Variants in FAT2 observed in about 807,000 individuals in gnomAD.
FAT2 encodes the protein FAT atypical cadherin 2.
In FAT2, 150 loss-of-function variants were observed where a neutral mutation model predicts 295.3. The ratio of observed to expected loss-of-function variants is 0.51; its 90% CI spans 0.44 to 0.58. The LOEUF is 0.58. Ranked by LOEUF, FAT2 falls within the 20% of genes least tolerant of loss-of-function variation. The pLI is 0.00. For synonymous variants in FAT2, 2,026 were observed against 2,150.3 expected (o/e 0.94, Z 1.60); for missense variants, 4,868 against 5,442.7 (o/e 0.89, Z 3.32).
upstream of FAT2, among the ~76,000 whole-genome samples, chr5:151,594,756 T>A (rs1223852297): frequency 6.6e-6 from 1 of 152,114 alleles, no homozygotes; most frequent in African/African-American, 2.4e-5. Context: ...AGCAACGATG[T>A]AAATGAGGGG....
intron 1 of FAT2, among the ~76,000 whole-genome samples, chr5:151,569,875 C>A (rs893160854): frequency 5.9e-5 from 9 of 152,354 alleles, no homozygotes; most frequent in Admixed American, 5.2e-4. Context: ...GACCAAGATC[C>A]CAGGCGTGGC....
At chr5:151,550,534 CA>C in intron 8 of FAT2, 55 bp downstream of exon 8, 1 of 1,570,368 alleles carries the variant, frequency 6.4e-7, no homozygotes, top group Non-Finnish European at 8.7e-7. Flanking sequence ...CAAGCATGTC[CA>C]CCCCTACACA....
chr5:151,592,790 A>G (rs568752785), upstream of FAT2, among the ~76,000 whole-genome samples: 15 of 152,302 alleles, frequency 9.8e-5, no homozygotes, highest in Admixed American at 9.8e-4. Context: ...TTCTATGGCT[A>G]GGACTTAGGT....
chr5:151,547,015 T>C (rs1223989015), intron 9 of FAT2, among the ~76,000 whole-genome samples: 1 of 152,242 alleles, frequency 6.6e-6, no homozygotes, highest in Non-Finnish European at 1.5e-5. Flanking sequence ...ATTTTTTCAA[T>C]ATCCATCCAT....
At position 151,549,434 on chromosome 5, in the gene FAT2, G is replaced by T. The variant is rs2127619455; in HGVS notation, c.4650C>A (p.Leu1550=). 1 of 1,614,166 alleles carries T rather than the reference G, an allele frequency of 6.2e-7. No homozygotes were observed. Among genetic ancestry groups the T allele is most frequent in the Non-Finnish European group, 8.5e-7 (1 of 1,180,034 alleles). Residue 1550 remains leucine (L), a synonymous_variant, in exon 9 of 24, where the codon CTC becomes CTA. Transcript: ENST00000261800. ...WVTIHVEDGN[L]HPPRFTQLHY... ...GGAGCTGAGTGAAGCGGGGTGGGTG[G>T]AGGTTTCCATCCTCCACATGAATGG...
chr5:151,553,209 C>T lies in FAT2; in HGVS notation c.4124G>A (p.Gly1375Asp), dbSNP rs2127626907. The stretch of plus-strand genomic sequence containing the variant: ...GTTGAACCAGAAGAGTCCGGGTCTG[C>T]CCTCTACGCTGATGACCCCCACCAT... ...NHMVGVISVE[G>D]RPGLFWFNIS... The change falls in exon 6 of 24, where the codon GGC becomes GAC. Residue 1375 changes from glycine (G) to aspartate (D), a missense_variant. Physicochemically the swap from Gly to Asp is moderately conservative, Grantham distance 94 (BLOSUM62 -1). Coordinates refer to ENST00000261800, the MANE Select transcript of FAT2 (RefSeq NM_001447.3). 6.2e-7 allele frequency: 1 copy of T among 1,614,252 alleles called. No individual in the cohort carries two copies. The highest frequency in any genetic ancestry group is 1.1e-5 in the South Asian group (1 of 91,088).
At chr5:151,580,551 G>GC (rs1175503248) in intron 1 of FAT2, among the ~76,000 whole-genome samples, 1 of 152,198 alleles carries the variant, frequency 6.6e-6, no homozygotes, top group Non-Finnish European at 1.5e-5. Context: ...TCTCATTCGG[G>GC]CCCCAGGAGC....
chr5:151,577,322 A>C (rs992401952), intron 1 of FAT2, among the ~76,000 whole-genome samples: 1 of 152,222 alleles, frequency 6.6e-6, no homozygotes, highest in Non-Finnish European at 1.5e-5. Context: ...GGATGTGAAG[A>C]AAGTGTTTTA....
chr5:151,527,396 T>G lies in FAT2; in HGVS notation c.10165-19A>C. ...TAGAGGCCTATTGCAAAATGTCCAG[T>G]GGAGGTTAGCAATGAGGTAGCTGTC... On this transcript the variant is annotated intron_variant, in intron 16 of 23. Coordinates refer to ENST00000261800, the MANE Select transcript of FAT2 (RefSeq NM_001447.3). The G allele has an allele frequency of 6.3e-7, 1 of 1,579,136 alleles. No individual in the cohort carries two copies. The highest frequency in any genetic ancestry group is 2.3e-5 in the East Asian group (1 of 44,056).
chr5:151,573,829 C>T (rs1323714757), intron 1 of FAT2, among the ~76,000 whole-genome samples: 2 of 152,176 alleles, frequency 1.3e-5, no homozygotes, highest in African/African-American at 4.8e-5. Flanking sequence ...TTCCGACATT[C>T]AGAAACCTGA....
In FAT2 at chr5:151,542,574, G is replaced by T. The variant is rs1417423311; in HGVS notation, c.8553C>A (p.Asp2851Glu). Reference sequence around the variant, plus strand: ...GTGTGGTGATCCAACCACTCTCACTGTCAATGGCAAAGAGCTCATGGACAT... The same window carrying T: ...GTGTGGTGATCCAACCACTCTCACTTTCAATGGCAAAGAGCTCATGGACAT... Reference protein sequence around the residue: ...GSNVHELFAIDSESGWITTLQ... With the variant: ...GSNVHELFAIESESGWITTLQ... The change falls in exon 10 of 24, where the codon GAC (aspartate) becomes GAA (glutamate). Residue 2851 changes from aspartate to glutamate, a missense_variant. By Grantham distance (45) the Asp-to-Glu change is conservative (BLOSUM62 2). Transcript: ENST00000261800. 1 of 1,614,208 alleles carries T rather than the reference G, an allele frequency of 6.2e-7. No homozygotes were observed. Among genetic ancestry groups the T allele is most frequent in the East Asian group, 2.2e-5 (1 of 44,884 alleles).
chr5:151,559,031 T>C (rs907366272), intron 3 of FAT2, among the ~76,000 whole-genome samples: 11 of 152,088 alleles, frequency 7.2e-5, no homozygotes, highest in African/African-American at 2.4e-4. Context: ...GATGAAGTGA[T>C]TGAGATAATG....
At position 151,506,116 on chromosome 5, in the gene FAT2, A is replaced by C. The variant is rs1268066470; in HGVS notation, c.12518-19T>G. On this transcript the variant is annotated intron_variant, in intron 23 of 23. Transcript: ENST00000261800. ...GGGTACACTGAAAGGGAACAGCAAGATAGGGTGAGCTCATTTTCTCCCCGG... is the reference window on the plus strand; with the variant it reads ...GGGTACACTGAAAGGGAACAGCAAGCTAGGGTGAGCTCATTTTCTCCCCGG... 1 of 1,498,936 alleles carries C rather than the reference A, an allele frequency of 6.7e-7. No individual in the cohort carries two copies. The highest frequency in any genetic ancestry group is 2.3e-5 in the East Asian group (1 of 43,434). The allele number at this position is 1,498,936 out of a possible 1,614,324, so 92.9% of individuals were successfully genotyped here. A position where few individuals can be genotyped will look rare whatever the true frequency, so the allele number is the denominator to read the frequency against.
At chr5:151,518,360 A>AT (rs1753085787) in intron 19 of FAT2, among the ~76,000 whole-genome samples, 2 of 132,032 alleles carry the variant, frequency 1.5e-5, no homozygotes, top group African/African-American at 2.6e-5. Flanking sequence ...AATAATAATA[A>AT]TAATAATAAT....
In FAT2 at chr5:151,506,078, C is replaced by A. The variant is rs1253843324; in HGVS notation, c.12537G>T (p.Met4179Ile). 1.3e-6 allele frequency: 2 copies of A among 1,526,314 alleles called. No individual in the cohort carries two copies. Among genetic ancestry groups the A allele is most frequent in the Non-Finnish European group, 1.7e-6 (2 of 1,146,094 alleles). The allele number at this position is 1,526,314 out of a possible 1,614,324, so 94.5% of individuals were successfully genotyped here. The change falls in exon 24 of 24, where the codon ATG becomes ATT. Residue 4179 changes from methionine to isoleucine, a missense_variant. Physicochemically the swap from Met to Ile is conservative, Grantham distance 10 (BLOSUM62 1). This residue lies in a region of FAT2 where 492 missense variants were observed against 482.6 expected (regional missense o/e 1.02). Transcript: ENST00000261800. Reference sequence around the variant, plus strand: ...TCCTGGAGTAAGTAGGGGGCCAGACCATGGCTCCGCCAGGGTACACTGAAA... The same window carrying A: ...TCCTGGAGTAAGTAGGGGGCCAGACAATGGCTCCGCCAGGGTACACTGAAA... ...SEEMVYPGGAMVWPPTYSRNE... is the reference protein window; with the variant it reads ...SEEMVYPGGAIVWPPTYSRNE...
chr5:151,547,014 A>C (rs751369236), intron 9 of FAT2, among the ~76,000 whole-genome samples: 38 of 152,108 alleles, frequency 2.5e-4, no homozygotes, highest in Non-Finnish European at 5.0e-4. Flanking sequence ...AATTTTTTCA[A>C]TATCCATCCA....
At chr5:151,588,583 A>G (rs575419675) in intron 1 of FAT2, among the ~76,000 whole-genome samples, 10 of 152,348 alleles carry the variant, frequency 6.6e-5, no homozygotes, top group African/African-American at 2.4e-4. Flanking sequence ...TCATTCATTC[A>G]GCAGATAGGC....
chr5:151,590,049 C>T (rs1043180928), intron 1 of FAT2, among the ~76,000 whole-genome samples: 1 of 152,208 alleles, frequency 6.6e-6, no homozygotes, highest in African/African-American at 2.4e-5. Flanking sequence ...AATTCTCTTC[C>T]CACTCTGCCA....
In FAT2 at chr5:151,567,812, A is replaced by T. The variant is rs745834340; in HGVS notation, c.1120T>A (p.Phe374Ile). The T allele has an allele frequency of 6.2e-6, 10 of 1,613,974 alleles. 1 individual carries two copies. In the South Asian group the frequency reaches 1.1e-4, roughly 18 times the overall value. ...KAVYRVQLSE[F>I]SPPGSRVVMV... ...ACCACGCGGCTGCCAGGAGGGGAAAACTCACTAAGCTGCACTCTGTAAACA... is the reference window on the plus strand; with the variant it reads ...ACCACGCGGCTGCCAGGAGGGGAAATCTCACTAAGCTGCACTCTGTAAACA... Residue 374 changes from phenylalanine (F) to isoleucine (I), a missense_variant, in exon 2 of 24, where the codon TTT becomes ATT. This residue lies in a region of FAT2 where 3,297 missense variants were observed against 3,669.4 expected (regional missense o/e 0.90). Transcript: ENST00000261800.
Sources: allele counts gnomAD v4.1 joint callset (sites outside exome capture counted in the v4.1 genomes callset), GRCh38; gene constraint gnomAD v4.1.1; regional missense constraint gnomAD v4.1.1; transcripts MANE v1.5; gene names NCBI Gene and HGNC (gene_info 2026-07-23, HGNC 2026-07-21).